The following MTCL1 variants were observed in gnomAD, a reference collection of about 807,000 sequenced individuals.
MTCL1 encodes the protein microtubule crosslinking factor 1.
Under a neutral mutation model 141.4 loss-of-function variants are expected in MTCL1, and 79 were observed. That is an observed-to-expected ratio of 0.56 (90% CI 0.47 to 0.67). The LOEUF (loss-of-function observed/expected upper bound fraction) is 0.67. Among genes scored for constraint, MTCL1 ranks in the 30% least tolerant of loss-of-function variants. MTCL1 has a pLI of 0.00. For synonymous variants in MTCL1, 914 were observed against 875.8 expected, an observed-to-expected ratio of 1.04 and a Z score of -0.77; for missense variants, 2,177 against 2,113.9, an observed-to-expected ratio of 1.03 and a Z score of -0.59.
At chr18:8,825,963 A>G (rs1407161733) in exon 15 of MTCL1, 2 of 1,598,176 alleles carry the variant, frequency 1.3e-6, no homozygotes, top group African/African-American at 1.3e-5. Context: ...AGGCCAGGAA[A>G]CAGGCACCAA....
rs2077158622 is a variant in MTCL1 at position 8,830,365 on chromosome 18, T to C, written c.*19-1242T>C. The stretch of plus-strand genomic sequence containing the variant: ...GAAGCATAGTCTCCAGGGCCACTGT[T>C]CCTTTTCTGCTGACCCCAGAGGGAG... On this transcript the variant is annotated intron_variant, in intron 16 of 16. Coordinates refer to ENST00000359865, the Ensembl canonical transcript of MTCL1. The surrounding 1 kb of genome is among the most constrained non-coding windows in gnomAD (Gnocchi z 6.4). 2 of 985,550 alleles carry C rather than the reference T, an allele frequency of 2.0e-6. No homozygotes were observed. Among genetic ancestry groups the C allele is most frequent in the Non-Finnish European group, 2.4e-6 (2 of 829,990 alleles). The allele number at this position is 985,550 out of a possible 1,614,324, so 61.1% of individuals were successfully genotyped here.
intron 4 of MTCL1, among the ~76,000 whole-genome samples, chr18:8,767,304 G>T (rs1298621269): frequency 6.6e-6 from 1 of 152,180 alleles, no homozygotes; most frequent in Non-Finnish European, 1.5e-5. Flanking sequence ...TGATGCTTTT[G>T]ATATTTCAGC....
At chr18:8,710,875 C>CTTTTTTTTTTTTT (rs1221391279) in intron 1 of MTCL1, among the ~76,000 whole-genome samples, 1 of 41,800 alleles carries the variant, frequency 2.4e-5, no homozygotes, top group Admixed American at 2.8e-4. Context: ...TTTCTTTTTT[C>CTTTTTTTTTTTTT]TTTTTTTTTT....
intron 4 of MTCL1, among the ~76,000 whole-genome samples, chr18:8,758,502 GTAAT>G (rs1392480207): frequency 2.0e-5 from 3 of 152,114 alleles, no homozygotes; most frequent in Non-Finnish European, 4.4e-5. Context: ...AGGATTTGGG[GTAAT>G]TAAAGGCAAA....
At position 8,718,524 on chromosome 18, in the gene MTCL1, G is replaced by A. The variant is rs111816432; in HGVS notation, c.74G>A (p.Arg25His). Residue 25 changes from arginine to histidine, a missense_variant, in exon 3 of 17, where the codon CGC becomes CAC. Physicochemically the swap from Arg to His is conservative, Grantham distance 29. Transcript: ENST00000359865. ...CAGGAACTTCGGCGAGAACTGGACC[G>A]CGCTAATAAAAACTGCCGAATCCTG... The A allele has an allele frequency of 6.4e-5, 103 of 1,614,170 alleles. No individual in the cohort carries two copies. The African/African-American group carries it at 9.5e-4, about 15-fold the overall frequency.
intron 3 of MTCL1, chr18:8,720,057 T>G: frequency 3.2e-6 from 1 of 307,884 alleles, no homozygotes; most frequent in African/African-American, 2.1e-5. Flanking sequence ...AATTTAGCAG[T>G]TTGGGGGGGT....
At chr18:8,738,057 T>C (rs1012243258) in intron 4 of MTCL1, among the ~76,000 whole-genome samples, 1 of 152,210 alleles carries the variant, frequency 6.6e-6, no homozygotes, top group African/African-American at 2.4e-5. Context: ...ATAGCTAATA[T>C]CATTTCCTTC....
chr18:8,746,827 A>G lies in MTCL1; in HGVS notation c.357+26331A>G, dbSNP rs578053241. Reference sequence around the variant, plus strand: ...TATCTCATTATATCAAACAACAGTCATGAATATATACCCGAGGACCGCGTG... The same window carrying G: ...TATCTCATTATATCAAACAACAGTCGTGAATATATACCCGAGGACCGCGTG... On this transcript the variant is annotated intron_variant, in intron 4 of 16. Transcript: ENST00000359865. Among the ~76,000 whole-genome samples the G allele has an allele frequency of 3.1e-4, 47 of 152,332 alleles. 1 individual carries two copies. The highest frequency in any genetic ancestry group is 1.1e-3 in the African/African-American group (47 of 41,570).
At position 8,756,387 on chromosome 18, in the gene MTCL1, GTGTATATA is replaced by G. The variant is rs766015202; in HGVS notation, c.358-21434_358-21427del. ...TATATATGTGTATATATGTATATAT[GTGTATATA>G]TGTATATATGTGTGTATATGTGTAT... On this transcript the variant is annotated intron_variant, in intron 4 of 16. Transcript: ENST00000359865. 8.4e-3 allele frequency among the ~76,000 whole-genome samples: 1,267 copies of G among 150,498 alleles called. 10 individuals are homozygous for G. The highest frequency in any genetic ancestry group is 0.013 in the Non-Finnish European group (880 of 67,726).
At chr18:8,735,944 G>GA (rs2148887745) in intron 4 of MTCL1, among the ~76,000 whole-genome samples, 1 of 152,226 alleles carries the variant, frequency 6.6e-6, no homozygotes, top group South Asian at 2.1e-4. Context: ...TTCCTTTTCT[G>GA]AAAAGAAATG....
intron 4 of MTCL1, among the ~76,000 whole-genome samples, chr18:8,730,655 CCTT>C (rs1467660782): frequency 1.3e-5 from 2 of 152,290 alleles, no homozygotes; most frequent in Admixed American, 6.5e-5. Flanking sequence ...TGTACAGCTG[CCTT>C]CTTTTTATTT....
At chr18:8,733,765 C>T (rs1046247007) in intron 4 of MTCL1, among the ~76,000 whole-genome samples, 2 of 152,158 alleles carry the variant, frequency 1.3e-5, no homozygotes, top group Admixed American at 6.5e-5. Flanking sequence ...GCTACAGGAG[C>T]GTCCTCGCAG....
chr18:8,828,793 A>G lies in MTCL1; in HGVS notation c.4723-115A>G. 1.3e-6 allele frequency: 2 copies of G among 1,540,700 alleles called. No individual in the cohort carries two copies. The highest frequency in any genetic ancestry group is 8.8e-7 in the Non-Finnish European group (1 of 1,140,656). ...CTCCTGGTGGCTACCCCTGAGCGAG[A>G]GGGATGGTCCTCTACCTCCGGGCTT... On this transcript the variant is annotated intron_variant, in intron 15 of 16. Transcript: ENST00000359865. This position sits in a 1 kb window ranked among gnomAD's most constrained non-coding sequence, Gnocchi z 5.2.
chr18:8,821,531 A>G (rs759818083), intron 14 of MTCL1, 33 bp downstream of exon 13: 4 of 1,203,576 alleles, frequency 3.3e-6, no homozygotes, highest in South Asian at 1.4e-5. Flanking sequence ...ATAGATTACT[A>G]GAATAAAAAT....
intron 4 of MTCL1, among the ~76,000 whole-genome samples, chr18:8,776,350 T>A (rs1246120864): frequency 2.0e-5 from 3 of 152,232 alleles, no homozygotes; most frequent in African/African-American, 7.2e-5. Flanking sequence ...TCTAGGATGC[T>A]TCTCACTCCT....
At chr18:8,730,802 A>G (rs1008457584) in intron 4 of MTCL1, among the ~76,000 whole-genome samples, 1 of 152,246 alleles carries the variant, frequency 6.6e-6, no homozygotes. Context: ...GAGAGATTGA[A>G]GATCCATCTA....
At chr18:8,726,049 C>T (rs1335580348) in intron 4 of MTCL1, among the ~76,000 whole-genome samples, 1 of 151,852 alleles carries the variant, frequency 6.6e-6, no homozygotes, top group African/African-American at 2.4e-5. Context: ...CCTCGGCCTC[C>T]CAAAGTGCTG....
At chr18:8,735,601 G>T (rs186761670) in intron 4 of MTCL1, among the ~76,000 whole-genome samples, 210 of 152,282 alleles carry the variant, frequency 1.4e-3, no homozygotes, top group Non-Finnish European at 2.2e-3. Context: ...GCCTGGGCAG[G>T]CTTACTCTGT....
Position 8,784,063 on chromosome 18 carries a change from G to A in MTCL1, c.951G>A (p.Pro317=), listed in dbSNP as rs370441990. 31 of 1,613,264 alleles carry A rather than the reference G, an allele frequency of 1.9e-5. No homozygotes were observed. In the African/African-American group the frequency reaches 2.5e-4, roughly 13 times the overall value. ...TTAAGTTTGAGCCTCCCCGGGAGCC[G>A]GGCTGGCTAGGAGAGGGTGCAAGTC... The change falls in exon 6 of 17, where the codon CCG becomes CCA. Residue 317 remains proline (P), a synonymous_variant. Transcript: ENST00000359865.
Sources: gnomAD v4.1 joint callset for allele counts (sites outside exome capture counted in the v4.1 genomes callset) on GRCh38, gnomAD v4.1.1 for gene constraint, Gnocchi (gnomAD v3.1) non-coding constraint, MANE v1.5 for transcripts, NCBI Gene and HGNC (gene_info 2026-07-23, HGNC 2026-07-21) for gene names.